Variants in NTAQ1 observed in about 807,000 individuals in gnomAD.
NTAQ1 encodes protein N-terminal glutamine amidohydrolase.
A neutral mutation model predicts 28.2 loss-of-function variants in NTAQ1; 21 were observed. The observed-to-expected ratio is 0.74, with a 90% CI of 0.53 to 1.07. The LOEUF is 1.07. NTAQ1 is among the 50% of genes least tolerant of loss of function. The probability of loss-of-function intolerance (pLI) is 0.00; values close to 1 mark genes in which losing one functional copy is unlikely to be tolerated. For synonymous variants in NTAQ1, 105 were observed against 90.0 expected (o/e 1.17, Z -0.94); for missense variants, 264 against 256.6 (o/e 1.03, Z -0.20).
chr8:123,442,545 A>G (rs1311514425), downstream of NTAQ1, among the ~76,000 whole-genome samples: 1 of 149,312 alleles, frequency 6.7e-6, no homozygotes, highest in Non-Finnish European at 1.5e-5. Context: ...CAGTGAGCTG[A>G]GATCATGCTG....
intron 6 of NTAQ1, among the ~76,000 whole-genome samples, chr8:123,456,016 A>G (rs1815640796): frequency 1.3e-5 from 2 of 152,096 alleles, no homozygotes; most frequent in Admixed American, 6.6e-5. Flanking sequence ...AGGTGGGGGA[A>G]TATTGACTTT....
chr8:123,439,701 G>A (rs1020377756), intron 5 of NTAQ1, among the ~76,000 whole-genome samples: 2 of 151,946 alleles, frequency 1.3e-5, no homozygotes, highest in Non-Finnish European at 2.9e-5. Context: ...TGTGGGCTAG[G>A]CTGGTCTTGA....
chr8:123,427,489 C>T (rs975615042), intron 1 of NTAQ1, among the ~76,000 whole-genome samples: 2 of 151,940 alleles, frequency 1.3e-5, no homozygotes, highest in African/African-American at 4.8e-5. Flanking sequence ...AGGCTGGTCT[C>T]GAACTCCTGA....
At chr8:123,455,281 C>T (rs1320506687) in intron 6 of NTAQ1, among the ~76,000 whole-genome samples, 2 of 152,046 alleles carry the variant, frequency 1.3e-5, no homozygotes, top group Non-Finnish European at 2.9e-5. Flanking sequence ...GTTCGTGGGC[C>T]TACAGTATAA....
chr8:123,427,481 G>T (rs1403621111), intron 1 of NTAQ1, among the ~76,000 whole-genome samples: 1 of 151,982 alleles, frequency 6.6e-6, no homozygotes, highest in Non-Finnish European at 1.5e-5. Flanking sequence ...TCTCTGCCAG[G>T]CTGGTCTCGA....
intron 1 of NTAQ1, among the ~76,000 whole-genome samples, chr8:123,424,515 T>A (rs1324750683): frequency 6.6e-6 from 1 of 152,138 alleles, no homozygotes; most frequent in Non-Finnish European, 1.5e-5. Context: ...GTGCTGGGAT[T>A]ACAGGCGTGA....
exon 7 of NTAQ1, among the ~76,000 whole-genome samples, chr8:123,468,757 T>A (rs566290229): frequency 6.6e-6 from 1 of 152,336 alleles, no homozygotes; most frequent in South Asian, 2.1e-4. Flanking sequence ...TTGCTGGTAA[T>A]TCTATTTTTA....
At chr8:123,432,927 G>C (rs959007134) in intron 3 of NTAQ1, among the ~76,000 whole-genome samples, 5 of 152,084 alleles carry the variant, frequency 3.3e-5, no homozygotes, top group Admixed American at 3.3e-4. Flanking sequence ...TGATCCGCCC[G>C]CCTCGGCCTC....
chr8:123,448,663 C>T (rs930204820), downstream of NTAQ1, among the ~76,000 whole-genome samples: 8 of 152,212 alleles, frequency 5.3e-5, no homozygotes, highest in South Asian at 2.1e-4. Context: ...TGTGTCCTTG[C>T]GCAGACTGCC....
chr8:123,423,507 C>T (rs1813857400), intron 1 of NTAQ1, among the ~76,000 whole-genome samples: 1 of 150,956 alleles, frequency 6.6e-6, no homozygotes, highest in Non-Finnish European at 1.5e-5. Flanking sequence ...AACTCCTGAG[C>T]TCAAGTTATC....
At chr8:123,437,406 G>A (rs1814785610) in intron 5 of NTAQ1, 72 bp downstream of exon 5, 3 of 1,579,234 alleles carry the variant, frequency 1.9e-6, no homozygotes, top group African/African-American at 1.4e-5. Context: ...CCTTAACGGA[G>A]GACAAAAGTC....
chr8:123,442,051 TTGA>T lies in NTAQ1; in HGVS notation c.*641_*643del, dbSNP rs1337144414. On this transcript the variant is annotated 3_prime_UTR_variant, in exon 6 of 6. Transcript: ENST00000287387. ...TGTTTTGAAGATTTTTGTGTCACCC[TTGA>T]TGATCTGAAATACCTAAATATGCCT... is the stretch of plus-strand genomic sequence containing the variant. 2 of 152,612 alleles carry T rather than the reference TTGA, an allele frequency of 1.3e-5. No individual in the cohort carries two copies. The highest frequency in any genetic ancestry group is 2.4e-5 in the African/African-American group (1 of 41,462). 9.5% of individuals were successfully genotyped at this position (152,612 alleles called of 1,614,324 possible). A position where few individuals can be genotyped will look rare whatever the true frequency, so the allele number is the denominator to read the frequency against.
At chr8:123,454,379 T>G (rs1815588072) in intron 6 of NTAQ1, among the ~76,000 whole-genome samples, 1 of 152,132 alleles carries the variant, frequency 6.6e-6, no homozygotes, top group African/African-American at 2.4e-5. Context: ...TTTGTTTTGT[T>G]TTTTTTGAGA....
intron 2 of NTAQ1, among the ~76,000 whole-genome samples, chr8:123,428,845 G>T (rs1408907321): frequency 2.0e-5 from 3 of 152,100 alleles, no homozygotes; most frequent in Non-Finnish European, 4.4e-5. Flanking sequence ...CAGGTGACCT[G>T]TCTGCCTTGG....
At chr8:123,443,863 G>T (rs541951380), downstream of NTAQ1, among the ~76,000 whole-genome samples, 650 of 152,234 alleles carry the variant, frequency 4.3e-3, 1 homozygote, top group African/African-American at 0.014. Flanking sequence ...GTGAGCCACT[G>T]CGCCTGGCCT....
chr8:123,431,337 C>CA (rs35552563), intron 3 of NTAQ1, among the ~76,000 whole-genome samples: 48 of 124,226 alleles, frequency 3.9e-4, no homozygotes, highest in Admixed American at 1.1e-3. Context: ...AACTCCATAT[C>CA]AAAAAAAAAA....
At chr8:123,420,216 C>T (rs1813594515) in intron 1 of NTAQ1, among the ~76,000 whole-genome samples, 1 of 152,130 alleles carries the variant, frequency 6.6e-6, no homozygotes, top group Non-Finnish European at 1.5e-5. Flanking sequence ...GCCTCCAGCT[C>T]CATCCATGTT....
At chr8:123,454,579 G>A (rs3857958) in intron 6 of NTAQ1, among the ~76,000 whole-genome samples, 133,152 of 152,068 alleles carry the variant, frequency 0.88, 58,857 homozygotes, top group East Asian at 0.99. Context: ...CATGTTGGTC[G>A]GGCTGGTCTC....
exon 7 of NTAQ1, among the ~76,000 whole-genome samples, chr8:123,469,828 T>A (rs550553097): frequency 6.6e-6 from 1 of 152,276 alleles, no homozygotes; most frequent in Admixed American, 6.5e-5. Context: ...TGTCTGTGAG[T>A]CTATGCAGAA....
Sources: gnomAD v4.1 joint callset for allele counts (sites outside exome capture counted in the v4.1 genomes callset) on GRCh38, gnomAD v4.1.1 for gene constraint, MANE v1.5 for transcripts, NCBI Gene and HGNC (gene_info 2026-07-23, HGNC 2026-07-21) for gene names.